POMGNT1: variants seen among roughly 807,000 people sequenced by gnomAD.
The protein encoded by POMGNT1 is protein O-linked-mannose beta-1,2-N-acetylglucosaminyltransferase 1.
Under a neutral mutation model 95.6 loss-of-function variants are expected in POMGNT1, and 67 were observed. The ratio of observed to expected loss-of-function variants is 0.70; its 90% CI spans 0.58 to 0.86. The LOEUF is 0.86. Among genes scored for constraint, POMGNT1 ranks in the 40% least tolerant of loss-of-function variants. The pLI, the probability that POMGNT1 is intolerant of heterozygous loss-of-function variation, is 0.00. For synonymous variants in POMGNT1, 298 were observed against 317.9 expected, an observed-to-expected ratio of 0.94 and a Z score of 0.66; for missense variants, 719 against 855.2, an observed-to-expected ratio of 0.84 and a Z score of 1.99.
chr1:46,205,221 G>A (rs1193265294), intron 1 of POMGNT1, among the ~76,000 whole-genome samples: 1 of 152,058 alleles, frequency 6.6e-6, no homozygotes, highest in Non-Finnish European at 1.5e-5. Flanking sequence ...TCGCACCACT[G>A]CACTCCAGCC....
chr1:46,216,417 C>G (rs1448606576), intron 1 of POMGNT1, among the ~76,000 whole-genome samples: 2 of 152,152 alleles, frequency 1.3e-5, no homozygotes, highest in Non-Finnish European at 2.9e-5. Flanking sequence ...CCATGGATCA[C>G]TGCAGCCTTG....
rs370151630 is a variant in POMGNT1 at position 46,193,285 on chromosome 1, C to G, written c.1110+20G>C. On this transcript the variant is annotated intron_variant, in intron 12 of 21. Coordinates refer to ENST00000371984, the MANE Select transcript of POMGNT1 (RefSeq NM_017739.4). Reference sequence around the variant, plus strand: ...GGCAGAGCCAGGTGTCTGCCCCATCCCCACTTGCCTATGCAGTACCTGAGA... The same window carrying G: ...GGCAGAGCCAGGTGTCTGCCCCATCGCCACTTGCCTATGCAGTACCTGAGA... 37 of 1,613,722 alleles carry G rather than the reference C, an allele frequency of 2.3e-5. No individual in the cohort carries two copies. Among genetic ancestry groups the G allele is most frequent in the Non-Finnish European group, 2.9e-5 (34 of 1,179,906 alleles).
intron 1 of POMGNT1, among the ~76,000 whole-genome samples, chr1:46,216,245 A>G (rs1659064330): frequency 6.6e-6 from 1 of 151,624 alleles, no homozygotes; most frequent in African/African-American, 2.4e-5. Flanking sequence ...ACGGGGTTTC[A>G]CCGTGTTAGC....
At chr1:46,218,720 C>G (rs1659140579) in intron 1 of POMGNT1, among the ~76,000 whole-genome samples, 1 of 152,108 alleles carries the variant, frequency 6.6e-6, no homozygotes, top group Non-Finnish European at 1.5e-5. Context: ...TTGAGATTAC[C>G]CTGTAAGTCA....
At chr1:46,219,625 G>C in intron 1 of POMGNT1, 1 of 1,459,850 alleles carries the variant, frequency 6.9e-7, no homozygotes, top group South Asian at 1.4e-5. Flanking sequence ...TGAACCACAA[G>C]GTAGTGGCCT....
intron 1 of POMGNT1, among the ~76,000 whole-genome samples, chr1:46,213,039 TACCATA>T (rs1658952561): frequency 6.6e-6 from 1 of 152,184 alleles, no homozygotes; most frequent in African/African-American, 2.4e-5. Context: ...GTGCTGGGAT[TACCATA>T]TAAACATTTT....
chr1:46,192,982 G>C, intron 13 of POMGNT1, 24 bp from the exon 14 acceptor site: 1 of 1,613,146 alleles, frequency 6.2e-7, no homozygotes, highest in Non-Finnish European at 8.5e-7. Context: ...GGGACATCAT[G>C]GTCCCAAAGG....
At chr1:46,189,758 G>A in intron 20 of POMGNT1, 96 bp downstream of exon 20, 8 of 1,583,168 alleles carry the variant, frequency 5.1e-6, no homozygotes, top group Non-Finnish European at 6.9e-6. Context: ...AGGAGGTTCT[G>A]AGGTTGAAGA....
chr1:46,197,112 AG>A lies in POMGNT1; in HGVS notation c.121-29del, dbSNP rs762478699. On this transcript the variant is annotated intron_variant, in intron 2 of 21. Transcript: ENST00000371984. ...GAGGGGAGGGGTAGGGATGATTAAGAGGAGCACCTCCTTCAGATCCTAGAGG... is the reference window on the plus strand; with the variant it reads ...GAGGGGAGGGGTAGGGATGATTAAGAGAGCACCTCCTTCAGATCCTAGAGG... 4 of 1,613,902 alleles carry A rather than the reference AG, an allele frequency of 2.5e-6. No homozygotes were observed. The African/African-American group carries it at 5.3e-5, about 22-fold the overall frequency.
upstream of POMGNT1, among the ~76,000 whole-genome samples, chr1:46,202,090 T>A (rs1448690464): frequency 6.8e-6 from 1 of 147,730 alleles, no homozygotes; most frequent in Non-Finnish European, 1.5e-5. Context: ...AATAACGTTA[T>A]GGGTATGAAC....
intron 1 of POMGNT1, among the ~76,000 whole-genome samples, chr1:46,206,884 G>C (rs1262445674): frequency 6.6e-6 from 1 of 152,166 alleles, no homozygotes; most frequent in Non-Finnish European, 1.5e-5. Context: ...GTTAGGGAAG[G>C]AGGAGACAGA....
chr1:46,202,453 G>A (rs1658561056), upstream of POMGNT1, among the ~76,000 whole-genome samples: 1 of 152,026 alleles, frequency 6.6e-6, no homozygotes, highest in African/African-American at 2.4e-5. Flanking sequence ...AGCACTTTGG[G>A]AGGCCAAGGC....
At chr1:46,195,402 A>G (rs144605847) in intron 6 of POMGNT1, 52 of 375,008 alleles carry the variant, frequency 1.4e-4, no homozygotes, top group African/African-American at 9.0e-4. Flanking sequence ...TTCTGCTCAC[A>G]TATCATCTCC....
intron 19 of POMGNT1, 34 bp downstream of exon 19, chr1:46,190,439 C>G (rs1657671908): frequency 1.3e-6 from 2 of 1,551,688 alleles, no homozygotes; most frequent in South Asian, 2.2e-5. Flanking sequence ...TGACTCTTTG[C>G]TCCCTGCTAC....
intron 1 of POMGNT1, among the ~76,000 whole-genome samples, chr1:46,218,625 G>C (rs1261538384): frequency 6.6e-6 from 1 of 152,200 alleles, no homozygotes; most frequent in East Asian, 1.9e-4. Flanking sequence ...GCAGTGCAAT[G>C]CCTATAAAGG....
At chr1:46,193,987 A>G (rs1658006950) in intron 9 of POMGNT1, 62 bp from the exon 10 acceptor site, 1 of 1,602,108 alleles carries the variant, frequency 6.2e-7, no homozygotes, top group Non-Finnish European at 8.5e-7. Context: ...ATCCCCACCT[A>G]GGGAAGACTT....
Position 46,190,029 on chromosome 1 carries a change from C to A in POMGNT1, c.1650-40G>T, listed in dbSNP as rs374155217. The A allele has an allele frequency of 1.3e-5, 21 of 1,611,420 alleles. No homozygotes were observed. The African/African-American group carries it at 2.5e-4, about 19-fold the overall frequency. The stretch of plus-strand genomic sequence containing the variant: ...GGGAGAATATAGCCAAGACAGGGCC[C>A]ACTTCATGGGTGTGTCCCACAGGAC... On this transcript the variant is annotated intron_variant, in intron 19 of 21. Coordinates refer to ENST00000371984, the MANE Select transcript of POMGNT1 (RefSeq NM_017739.4).
In POMGNT1 at chr1:46,193,165, AG is replaced by A; in HGVS notation, c.1152+8del. ...TCCCAGGCCCAAGAGTTGTATCCTT[AG>A]TACTCACCGGAAACAGGTTGAAAGT... is the stretch of plus-strand genomic sequence containing the variant. On this transcript the variant is annotated splice_region_variant and intron_variant, in intron 13 of 21. Coordinates refer to ENST00000371984, the MANE Select transcript of POMGNT1 (RefSeq NM_017739.4). 6.2e-7 allele frequency: 1 copy of A among 1,614,136 alleles called. No homozygotes were observed. The highest frequency in any genetic ancestry group is 8.5e-7 in the Non-Finnish European group (1 of 1,180,016).
At position 46,189,210 on chromosome 1, in the gene POMGNT1, G is replaced by C; in HGVS notation, c.*60C>G. 1 of 1,567,172 alleles carries C rather than the reference G, an allele frequency of 6.4e-7. No homozygotes were observed. The highest frequency in any genetic ancestry group is 8.6e-7 in the Non-Finnish European group (1 of 1,161,362). ...TCTACAAAATCCTACAGGATGGAGG[G>C]AAGGGCTAGCCAGCCTGGGGGTACA... is the stretch of plus-strand genomic sequence containing the variant. On this transcript the variant is annotated 3_prime_UTR_variant, in exon 22 of 22. Coordinates refer to ENST00000371984, the MANE Select transcript of POMGNT1 (RefSeq NM_017739.4).
Sources: gnomAD v4.1 joint callset for allele counts (sites outside exome capture counted in the v4.1 genomes callset) on GRCh38, gnomAD v4.1.1 for gene constraint, MANE v1.5 for transcripts, NCBI Gene and HGNC (gene_info 2026-07-23, HGNC 2026-07-21) for gene names.